Variants in ZNF451 observed in about 807,000 individuals in gnomAD.
ZNF451 encodes the protein zinc finger protein 451, also known as E3 SUMO-protein ligase ZNF451.
Under a neutral mutation model 107.1 loss-of-function variants are expected in ZNF451, and 80 were observed. The observed-to-expected ratio is 0.75, with a 90% CI of 0.62 to 0.90. The LOEUF (loss-of-function observed/expected upper bound fraction) is 0.90. Ranked by LOEUF, ZNF451 falls within the 40% of genes least tolerant of loss-of-function variation. ZNF451 has a pLI of 0.00. For synonymous variants in ZNF451, 362 were observed against 406.5 expected (o/e 0.89, Z 1.32); for missense variants, 1,107 against 1,236.2 (o/e 0.90, Z 1.57).
At chr6:57,112,116 C>T (rs893121539) in intron 3 of ZNF451, among the ~76,000 whole-genome samples, 1 of 152,122 alleles carries the variant, frequency 6.6e-6, no homozygotes, top group Non-Finnish European at 1.5e-5. Flanking sequence ...TTGAGAAAAA[C>T]CATTGCTTTT....
In ZNF451 at chr6:57,169,716, A is replaced by T. The variant is rs376086887; in HGVS notation, c.*1247A>T. The T allele has an allele frequency of 3.9e-5, 6 of 152,130 alleles. No homozygotes were observed. The East Asian group carries it at 5.8e-4, about 15-fold the overall frequency. The allele number at this position is 152,130 out of a possible 1,614,324, so 9.4% of individuals were successfully genotyped here. ...TATAATTTGTGTTTTTAATTTCTTG[A>T]TATGTCACTTCTGTTCCTCCCTGCT... On this transcript the variant is annotated 3_prime_UTR_variant, in exon 15 of 15. Transcript: ENST00000370706.
chr6:57,141,512 T>A, intron 8 of ZNF451, 57 bp downstream of exon 8: 1 of 1,468,614 alleles, frequency 6.8e-7, no homozygotes, highest in Non-Finnish European at 9.3e-7. Context: ...TGCTGATTTA[T>A]CATACTTCTC....
Position 57,148,272 on chromosome 6 carries a change from C to T in ZNF451, c.2187C>T (p.Ile729=), listed in dbSNP as rs757246080. 3 of 1,613,838 alleles carry T rather than the reference C, an allele frequency of 1.9e-6. No individual in the cohort carries two copies. Among genetic ancestry groups the T allele is most frequent in the Non-Finnish European group, 2.5e-6 (3 of 1,179,944 alleles). The change falls in exon 10 of 15, where the codon ATC becomes ATT. Residue 729 remains isoleucine (I), a synonymous_variant. Transcript: ENST00000370706. ...QLTCGCRESY[I]CKVNRKEDYS... Reference sequence around the variant, plus strand: ...CTTGTGGTTGCCGTGAGAGTTACATCTGTAAAGTCAACAGAAAAGAAGATT... The same window carrying T: ...CTTGTGGTTGCCGTGAGAGTTACATTTGTAAAGTCAACAGAAAAGAAGATT...
Position 57,147,989 on chromosome 6 carries a change from G to C in ZNF451, c.1904G>C (p.Arg635Thr), listed in dbSNP as rs1159032406. 1 of 1,614,098 alleles carries C rather than the reference G, an allele frequency of 6.2e-7. No individual in the cohort carries two copies. The highest frequency in any genetic ancestry group is 1.7e-5 in the Admixed American group (1 of 60,030). ...TCTTTGGCAAGCCACAAGTTTCATA[G>C]ATACAGCTGTGCTCACTGCAGAAAG... ...CMSLASHKFH[R>T]YSCAHCRKPF... Residue 635 changes from arginine to threonine, a missense_variant, in exon 10 of 15, where the codon AGA becomes ACA. Around this residue, in one of 5 missense-constraint regions of ZNF451, gnomAD observed 608 missense variants for 649.2 expected, o/e 0.94. Coordinates refer to ENST00000370706, the MANE Select transcript of ZNF451 (RefSeq NM_001031623.3).
chr6:57,100,453 C>A, intron 3 of ZNF451: 2 of 953,482 alleles, frequency 2.1e-6, no homozygotes, highest in Non-Finnish European at 2.9e-6. Flanking sequence ...CTTTTGCTGA[C>A]CTTGAGTGGA....
In ZNF451 at chr6:57,099,124, A is replaced by G; in HGVS notation, c.169A>G (p.Ser57Gly). 2 of 1,611,772 alleles carry G rather than the reference A, an allele frequency of 1.2e-6. No homozygotes were observed. The highest frequency in any genetic ancestry group is 1.7e-6 in the Non-Finnish European group (2 of 1,177,930). The change falls in exon 3 of 15, where the codon AGC becomes GGC. Residue 57 changes from serine (S) to glycine (G), a missense_variant. Physicochemically the swap from Ser to Gly is moderately conservative, Grantham distance 56 (BLOSUM62 0). Coordinates refer to ENST00000370706, the MANE Select transcript of ZNF451 (RefSeq NM_001031623.3). ...GGTCAGCAGTGATGATGAAGAGCCTAGCACCTCTTATACTGATGTAAGTAC... is the reference window on the plus strand; with the variant it reads ...GGTCAGCAGTGATGATGAAGAGCCTGGCACCTCTTATACTGATGTAAGTAC... ...DLVSSDDEEPSTSYTDENIKR... is the reference protein window; with the variant it reads ...DLVSSDDEEPGTSYTDENIKR...
intron 13 of ZNF451, among the ~76,000 whole-genome samples, chr6:57,160,025 T>C (rs1444869006): frequency 6.6e-6 from 1 of 152,178 alleles, no homozygotes. Context: ...GTAGTTAAAG[T>C]GATAAGCACA....
At chr6:57,097,239 T>G (rs1446271699) in intron 2 of ZNF451, among the ~76,000 whole-genome samples, 4 of 152,204 alleles carry the variant, frequency 2.6e-5, no homozygotes, top group Non-Finnish European at 5.9e-5. Context: ...TGCCCTCTTG[T>G]TTTATCTTGG....
chr6:57,120,487 G>T (rs1385470305), intron 3 of ZNF451, among the ~76,000 whole-genome samples: 1 of 152,202 alleles, frequency 6.6e-6, no homozygotes, highest in African/African-American at 2.4e-5. Context: ...GTTTTTCAAA[G>T]TGGCTATACC....
At chr6:57,160,832 A>G (rs908535207) in intron 13 of ZNF451, 51 of 335,718 alleles carry the variant, frequency 1.5e-4, no homozygotes, top group Non-Finnish European at 2.2e-4. Flanking sequence ...TGCAAGAGGC[A>G]TTGTTAATGA....
chr6:57,159,797 A>G (rs1316312516), intron 13 of ZNF451, among the ~76,000 whole-genome samples: 1 of 152,222 alleles, frequency 6.6e-6, no homozygotes, highest in Non-Finnish European at 1.5e-5. Context: ...GCAAAAGAAT[A>G]TAGTGAAATA....
At chr6:57,155,983 T>G (rs1373135896) in intron 13 of ZNF451, among the ~76,000 whole-genome samples, 1 of 152,150 alleles carries the variant, frequency 6.6e-6, no homozygotes, top group Admixed American at 6.5e-5. Flanking sequence ...CTTTGCTGTT[T>G]CCTAGCAGCG....
rs569034117 is a variant in ZNF451, at chr6:57,149,744, A to G, written c.2609-975A>G. Among the ~76,000 whole-genome samples the G allele has an allele frequency of 2.6e-5, 4 of 152,342 alleles. No individual in the cohort carries two copies. The East Asian group carries it at 7.7e-4, about 29-fold the overall frequency. On this transcript the variant is annotated intron_variant, in intron 10 of 14. Transcript: ENST00000370706. ...GGCATGTTTTCAGTGGTAAAGAATT[A>G]AATCATGAGCTACCTAGTCAACTCT...
At chr6:57,109,861 T>A in intron 3 of ZNF451, 3 of 427,368 alleles carry the variant, frequency 7.0e-6, no homozygotes, top group Non-Finnish European at 9.4e-6. Context: ...TTGAAAACAG[T>A]CTTTTAGTTT....
chr6:57,158,836 C>T (rs539418771), intron 13 of ZNF451: 96 of 985,436 alleles, frequency 9.7e-5, no homozygotes, highest in Middle Eastern at 5.2e-4. Context: ...TTAGTTGTGG[C>T]TTCATTGTGG....
At chr6:57,103,666 T>G in intron 3 of ZNF451, 1 of 985,342 alleles carries the variant, frequency 1.0e-6, no homozygotes. Flanking sequence ...ATTGACAGAC[T>G]TAATTCTGTA....
At chr6:57,107,551 A>T in intron 3 of ZNF451, 1 of 984,476 alleles carries the variant, frequency 1.0e-6, no homozygotes, top group Non-Finnish European at 1.2e-6. Context: ...GGTCATATGT[A>T]TCTTATAAAA....
chr6:57,156,053 G>GTAA (rs1455213423), intron 13 of ZNF451, among the ~76,000 whole-genome samples: 3 of 151,780 alleles, frequency 2.0e-5, no homozygotes, highest in Non-Finnish European at 4.4e-5. Context: ...TTATATGGTT[G>GTAA]TAATAGTTAG....
chr6:57,125,953 A>AT (rs1362198293), intron 4 of ZNF451, among the ~76,000 whole-genome samples: 4 of 151,964 alleles, frequency 2.6e-5, no homozygotes, highest in East Asian at 1.9e-4. Flanking sequence ...ATGTTGTTTG[A>AT]TTTTTTTATG....
Sources: gnomAD v4.1 joint callset for allele counts (sites outside exome capture counted in the v4.1 genomes callset) on GRCh38, gnomAD v4.1.1 for gene constraint, gnomAD v4.1.1 regional missense constraint, MANE v1.5 for transcripts, NCBI Gene and HGNC (gene_info 2026-07-23, HGNC 2026-07-21) for gene names.